Variants in COLEC12 observed in about 807,000 individuals in gnomAD.
COLEC12 encodes collectin subfamily member 12, also known as collectin-12.
COLEC12 carries 33 observed loss-of-function variants against 71.1 expected under a neutral mutation model. That is an observed-to-expected ratio of 0.46 (90% CI 0.35 to 0.62). COLEC12 has a LOEUF of 0.62. Ranked by LOEUF, COLEC12 falls within the 20% of genes least tolerant of loss-of-function variation. The probability of loss-of-function intolerance (pLI) is 0.00; values close to 1 mark genes in which losing one functional copy is unlikely to be tolerated. For missense variants in COLEC12, 765 were observed against 916.1 expected (o/e 0.84, Z 2.13); for synonymous variants, 350 against 353.0 (o/e 0.99, Z 0.10).
At position 346,575 on chromosome 18, in the gene COLEC12, AT is replaced by A; in HGVS notation, c.1046del (p.Asn349IlefsTer12). ...GCAGGTGGTGGGCTGTGTAACTGAT[AT>A]TGCTAATGATGTTCACAATATCCGT... The part of the protein sequence containing the change: ...FETDIVNIIS[N>X]ISYTAHHLRT... On this transcript the variant is annotated frameshift_variant, in exon 5 of 10. Coordinates refer to ENST00000400256, the MANE Select transcript of COLEC12 (RefSeq NM_130386.3). LOFTEE classifies it high-confidence loss of function. The surrounding 1 kb of genome is among the most constrained non-coding windows in gnomAD (Gnocchi z 4.0). The A allele has an allele frequency of 6.2e-7, 1 of 1,614,194 alleles. No homozygotes were observed. Among genetic ancestry groups the A allele is most frequent in the Non-Finnish European group, 8.5e-7 (1 of 1,180,030 alleles).
rs527825393 is a variant in COLEC12 at position 480,997 on chromosome 18, T to C, written c.8-240A>G. ...CTTCGAATTCAGGTCTTAGCTAAAGTGCGACCCTTCGAGATGCCTTTCTGG... is the reference window on the plus strand; with the variant it reads ...CTTCGAATTCAGGTCTTAGCTAAAGCGCGACCCTTCGAGATGCCTTTCTGG... On this transcript the variant is annotated intron_variant, in intron 1 of 9. Transcript: ENST00000400256. This position sits in a 1 kb window ranked among gnomAD's most constrained non-coding sequence, Gnocchi z 4.1. Among the ~76,000 whole-genome samples, 197 of 152,238 alleles carry C rather than the reference T, an allele frequency of 1.3e-3. 2 individuals carry two copies. Among genetic ancestry groups the C allele is most frequent in the African/African-American group, 4.5e-3 (188 of 41,544 alleles).
rs1173906836 is a variant in COLEC12 at position 347,292 on chromosome 18, G to C, written c.330C>G (p.Thr110=). 2 of 1,614,022 alleles carry C rather than the reference G, an allele frequency of 1.2e-6. No homozygotes were observed. The highest frequency in any genetic ancestry group is 2.7e-5 in the African/African-American group (2 of 74,908). ...GGAGATCTAGAATGTCTGATCTGAA[G>C]GTGGAGAGTTCTGAGTTGGTGCTGA... is the stretch of plus-strand genomic sequence containing the variant. The part of the protein sequence containing the change: ...KAISTNSELS[T]FRSDILDLRQ... The change falls in exon 5 of 10, where the codon ACC becomes ACG. Residue 110 remains threonine, a synonymous_variant. Coordinates refer to ENST00000400256, the MANE Select transcript of COLEC12 (RefSeq NM_130386.3).
At chr18:490,227 G>C (rs1246703030) in intron 1 of COLEC12, among the ~76,000 whole-genome samples, 1 of 152,238 alleles carries the variant, frequency 6.6e-6, no homozygotes, top group Non-Finnish European at 1.5e-5. Context: ...GAAAACGTGA[G>C]ACCAGCCAGG....
rs1263631595 is a variant in COLEC12 at position 319,337 on chromosome 18, A to ATATATATATAT, written c.*707_*708insATATATATATA. Reference sequence around the variant, plus strand: ...ATGAAACATTAAAAAAAAAAAAAAAAAAAAATATATATATATATATATATA... The same window carrying ATATATATATAT: ...ATGAAACATTAAAAAAAAAAAAAAAATATATATATATAAAAATATATATATATATATATATA... On this transcript the variant is annotated 3_prime_UTR_variant, in exon 10 of 10. Coordinates refer to ENST00000400256, the MANE Select transcript of COLEC12 (RefSeq NM_130386.3). 2.5e-4 allele frequency: 9 copies of ATATATATATAT among 36,420 alleles called. No homozygotes were observed. Among genetic ancestry groups the ATATATATATAT allele is most frequent in the East Asian group, 6.2e-4 (1 of 1,626 alleles). 2.3% of individuals were successfully genotyped at this position (36,420 alleles called of 1,614,324 possible). A position where few individuals can be genotyped will look rare whatever the true frequency, so the allele number is the denominator to read the frequency against.
At position 485,895 on chromosome 18, in the gene COLEC12, T is replaced by A. The variant is rs576510506; in HGVS notation, c.8-5138A>T. Among the ~76,000 whole-genome samples the A allele has an allele frequency of 6.6e-5, 10 of 152,338 alleles. No individual in the cohort carries two copies. In the East Asian group the frequency reaches 1.7e-3, roughly 26 times the overall value. ...CCTTATATCCAGTTCTGGTTCGGAC[T>A]CCTCCATATGGAAAGCCATTTAAAG... On this transcript the variant is annotated intron_variant, in intron 1 of 9. Transcript: ENST00000400256.
intron 5 of COLEC12, among the ~76,000 whole-genome samples, chr18:336,876 G>C (rs1362169791): frequency 6.6e-6 from 1 of 151,568 alleles, no homozygotes; most frequent in Admixed American, 6.6e-5. Context: ...TTTTTTTTTA[G>C]AGACAGTCTC....
chr18:427,593 G>A (rs2143666539), intron 2 of COLEC12, among the ~76,000 whole-genome samples: 1 of 151,190 alleles, frequency 6.6e-6, no homozygotes, highest in African/African-American at 2.4e-5. Flanking sequence ...GTAAAACTCT[G>A]TTACTGGGAC....
intron 1 of COLEC12, among the ~76,000 whole-genome samples, chr18:498,077 G>C (rs1459772061): frequency 1.3e-5 from 2 of 152,096 alleles, no homozygotes; most frequent in African/African-American, 4.8e-5. Context: ...AACTGACAAG[G>C]CTTGTCTTTA....
At chr18:374,277 C>A (rs543237082) in intron 2 of COLEC12, among the ~76,000 whole-genome samples, 97 of 152,264 alleles carry the variant, frequency 6.4e-4, no homozygotes, top group Non-Finnish European at 1.2e-3. Context: ...CCATATTTGT[C>A]AAATACAGAT....
At position 439,255 on chromosome 18, in the gene COLEC12, T is replaced by C. The variant is rs985124320; in HGVS notation, c.58+41452A>G. ...TCTCAAAACTGTGAACTCCTTAAAA[T>C]AGTCTTTGCTTTATTCAGAGTCACT... On this transcript the variant is annotated intron_variant, in intron 2 of 9. Coordinates refer to ENST00000400256, the MANE Select transcript of COLEC12 (RefSeq NM_130386.3). Among the ~76,000 whole-genome samples, 13 of 152,332 alleles carry C rather than the reference T, an allele frequency of 8.5e-5. 1 individual carries two copies. The highest frequency in any genetic ancestry group is 3.1e-4 in the African/African-American group (13 of 41,578).
intron 2 of COLEC12, among the ~76,000 whole-genome samples, chr18:436,529 G>T (rs575355912): frequency 4.4e-4 from 38 of 86,918 alleles, no homozygotes; most frequent in African/African-American, 1.5e-3. Flanking sequence ...AAAAAAAGGG[G>T]GGGGGGGGGG....
chr18:417,060 A>G (rs1258814257), intron 2 of COLEC12, among the ~76,000 whole-genome samples: 1 of 151,948 alleles, frequency 6.6e-6, no homozygotes, highest in Non-Finnish European at 1.5e-5. Context: ...ACACACACAC[A>G]CACACTCATT....
rs1394918305 is a variant in COLEC12, at chr18:334,845, T to G, written c.1713A>C (p.Pro571=). The G allele has an allele frequency of 3.9e-6, 6 of 1,525,990 alleles. No individual in the cohort carries two copies. The South Asian group carries it at 7.5e-5, about 19-fold the overall frequency. 94.5% of individuals were successfully genotyped at this position (1,525,990 alleles called of 1,614,324 possible). Residue 571 remains proline, a synonymous_variant, in exon 6 of 10, where the codon CCA becomes CCC. Coordinates refer to ENST00000400256, the MANE Select transcript of COLEC12 (RefSeq NM_130386.3). ...PRGLPGLPGV[P]GMPGPKGPPG... Reference sequence around the variant, plus strand: ...GGGGGCCCTTGGGGCCTGGCATGCCTGGTACCCCAGGCAAGCCTGGCAGTC... The same window carrying G: ...GGGGGCCCTTGGGGCCTGGCATGCCGGGTACCCCAGGCAAGCCTGGCAGTC...
intron 1 of COLEC12, among the ~76,000 whole-genome samples, chr18:483,943 C>T (rs1917473085): frequency 6.6e-6 from 1 of 152,200 alleles, no homozygotes; most frequent in South Asian, 2.1e-4. Context: ...ATCCTTTCCA[C>T]CACTGTGCCA....
rs1468636829 is a variant in COLEC12 at position 317,553 on chromosome 18, G to A, written c.*2492C>T. ...GATTGAAGGACTTGGACCAGTGCCT[G>A]ATAAATAATAAGCACTTGGTAAGTT... is the stretch of plus-strand genomic sequence containing the variant. On this transcript the variant is annotated 3_prime_UTR_variant, in exon 10 of 10. Transcript: ENST00000400256. 1 of 152,218 alleles carries A rather than the reference G, an allele frequency of 6.6e-6. No individual in the cohort carries two copies. The allele number at this position is 152,218 out of a possible 1,614,324, so 9.4% of individuals were successfully genotyped here.
At chr18:390,082 A>G (rs1293421118) in intron 2 of COLEC12, among the ~76,000 whole-genome samples, 1 of 152,246 alleles carries the variant, frequency 6.6e-6, no homozygotes, top group Non-Finnish European at 1.5e-5. Context: ...CATTGAGCAA[A>G]CACACTGAGA....
rs1200627041 is a variant in COLEC12 at position 412,488 on chromosome 18, AAAAAAG to A, written c.59-54972_59-54967del. ...AAGAAAGTGCTCTAAACAGAAAAAA[AAAAAAG>A]AAAGAAAGAAAACAAAACCTTCAAT... On this transcript the variant is annotated intron_variant, in intron 2 of 9. Transcript: ENST00000400256. Among the ~76,000 whole-genome samples, 20 of 135,592 alleles carry A rather than the reference AAAAAAG, an allele frequency of 1.5e-4. No homozygotes were observed. The South Asian group carries it at 1.7e-3, about 12-fold the overall frequency. The allele number at this position is 135,592 out of a possible 152,430, so 89.0% of individuals were successfully genotyped here. A position where few individuals can be genotyped will look rare whatever the true frequency, so the allele number is the denominator to read the frequency against.
intron 3 of COLEC12, among the ~76,000 whole-genome samples, chr18:351,240 CACT>C (rs1393679224): frequency 6.6e-6 from 1 of 151,980 alleles, no homozygotes. Context: ...CTGCGACAAA[CACT>C]CTCTCACACG....
intron 2 of COLEC12, among the ~76,000 whole-genome samples, chr18:440,449 A>G (rs914455420): frequency 7.2e-5 from 11 of 152,160 alleles, no homozygotes; most frequent in Non-Finnish European, 1.5e-4. Flanking sequence ...ATTTATGGTA[A>G]CCATTTCACA....
Sources: gnomAD v4.1 joint callset for allele counts (sites outside exome capture counted in the v4.1 genomes callset) on GRCh38, gnomAD v4.1.1 for gene constraint, Gnocchi (gnomAD v3.1) non-coding constraint, MANE v1.5 for transcripts, NCBI Gene and HGNC (gene_info 2026-07-23, HGNC 2026-07-21) for gene names.